The following CPNE5 variants were observed in gnomAD, a reference collection of about 807,000 sequenced individuals.
The protein encoded by CPNE5 is copine-5.
In CPNE5, 42 loss-of-function variants were observed where a neutral mutation model predicts 81.1. The observed-to-expected ratio is 0.52, with a 90% CI of 0.40 to 0.67. CPNE5 has a LOEUF of 0.67. Among genes scored for constraint, CPNE5 ranks in the 30% least tolerant of loss-of-function variants. The probability of loss-of-function intolerance (pLI) is 0.00; values close to 1 mark genes in which losing one functional copy is unlikely to be tolerated. For synonymous variants in CPNE5, 313 were observed against 321.5 expected (o/e 0.97, Z 0.28); for missense variants, 612 against 815.5 (o/e 0.75, Z 3.04).
chr6:36,773,750 C>T lies in CPNE5; in HGVS notation c.737+1211G>A, dbSNP rs184086584. Among the ~76,000 whole-genome samples the T allele has an allele frequency of 1.4e-3, 216 of 152,276 alleles. 1 individual carries two copies. The highest frequency in any genetic ancestry group is 5.1e-3 in the African/African-American group (211 of 41,544). ...CCAGGTTGACAGTGCTTTTTGGTCA[C>T]AGAGTCAGAATTAGCAACCAGGTAT... On this transcript the variant is annotated intron_variant, in intron 10 of 20. Transcript: ENST00000244751.
intron 15 of CPNE5, 53 bp downstream of exon 15, chr6:36,748,168 C>A (rs1764394322): frequency 7.8e-6 from 12 of 1,536,778 alleles, no homozygotes; most frequent in Non-Finnish European, 9.9e-6. Context: ...GATGCCACAG[C>A]CCTTAAAAGC....
At chr6:36,745,192 T>C in intron 17 of CPNE5, 42 bp from the exon 18 acceptor site, 2 of 1,529,656 alleles carry the variant, frequency 1.3e-6, no homozygotes, top group South Asian at 1.1e-5. Context: ...CTGCGGGACC[T>C]CTGGGCATGT....
chr6:36,794,625 G>C lies in CPNE5; in HGVS notation c.429C>G (p.Ser143=). The change falls in exon 7 of 21, where the codon TCC becomes TCG. Residue 143 remains serine (S), a synonymous_variant. Coordinates refer to ENST00000244751, the MANE Select transcript of CPNE5 (RefSeq NM_020939.2). ...PLTIGAFSLN[S]RTGKPMPAVS... ...CAGCTGGCATGGGTTTGCCCGTCCT[G>C]GAATTCAGGCTGAATGCGCCTATCC... 1 of 1,614,112 alleles carries C rather than the reference G, an allele frequency of 6.2e-7. No homozygotes were observed. The highest frequency in any genetic ancestry group is 2.2e-5 in the East Asian group (1 of 44,876).
chr6:36,823,139 G>A (rs1772206797), intron 1 of CPNE5, 41 bp from the exon 2 acceptor site: 8 of 1,491,022 alleles, frequency 5.4e-6, no homozygotes, highest in Non-Finnish European at 7.2e-6. Flanking sequence ...ACGGCCAGCT[G>A]AGAGGAGGCG....
chr6:36,827,513 C>T (rs1234418638), intron 1 of CPNE5: 1 of 985,318 alleles, frequency 1.0e-6, no homozygotes, highest in African/African-American at 1.7e-5. Context: ...CCTATTATGT[C>T]TCTGATGGCA....
At chr6:36,816,008 A>C (rs773917891) in intron 3 of CPNE5, among the ~76,000 whole-genome samples, 13 of 152,210 alleles carry the variant, frequency 8.5e-5, no homozygotes, top group Non-Finnish European at 1.5e-4. Context: ...GGGGTTCCCT[A>C]TCATGTCCCT....
chr6:36,753,716 AGCAGAG>A (rs1473577143), intron 13 of CPNE5, among the ~76,000 whole-genome samples: 3 of 152,186 alleles, frequency 2.0e-5, no homozygotes, highest in Non-Finnish European at 4.4e-5. Context: ...CCCTCCCCCA[AGCAGAG>A]GCCTTTTAAC....
At chr6:36,809,188 GC>G (rs532195735) in intron 3 of CPNE5, among the ~76,000 whole-genome samples, 42 of 152,032 alleles carry the variant, frequency 2.8e-4, no homozygotes, top group Admixed American at 2.6e-3. Context: ...TCCCCTTGCA[GC>G]CCCTACGCAG....
intron 12 of CPNE5, among the ~76,000 whole-genome samples, chr6:36,762,026 A>G (rs1766073569): frequency 6.6e-6 from 1 of 152,072 alleles, no homozygotes; most frequent in Admixed American, 6.6e-5. Context: ...CCAAGGCAGG[A>G]GGATCGCTTG....
intron 8 of CPNE5, among the ~76,000 whole-genome samples, chr6:36,783,378 T>TAAAAAAAAAA (rs36056853): frequency 1.7e-5 from 2 of 118,474 alleles, no homozygotes; most frequent in Non-Finnish European, 3.5e-5. Context: ...GCAGTAAAAG[T>TAAAAAAAAAA]AAAAAAAAAA....
intron 11 of CPNE5, among the ~76,000 whole-genome samples, chr6:36,764,199 A>G (rs1025503990): frequency 2.6e-5 from 4 of 151,616 alleles, no homozygotes; most frequent in Non-Finnish European, 4.4e-5. Flanking sequence ...GCTGTCCCCA[A>G]CTGGCACAGA....
intron 8 of CPNE5, among the ~76,000 whole-genome samples, chr6:36,787,000 G>A (rs910702945): frequency 2.0e-5 from 3 of 152,188 alleles, no homozygotes; most frequent in African/African-American, 7.2e-5. Context: ...TTATTTCTAA[G>A]ACCAAAAAAA....
chr6:36,806,239 C>A (rs1346220139), intron 3 of CPNE5, among the ~76,000 whole-genome samples: 2 of 152,216 alleles, frequency 1.3e-5, no homozygotes, highest in African/African-American at 4.8e-5. Flanking sequence ...CTTCATCCTA[C>A]AGGAGATTGC....
chr6:36,770,958 C>A (rs897647949), intron 10 of CPNE5, among the ~76,000 whole-genome samples: 1 of 152,122 alleles, frequency 6.6e-6, no homozygotes, highest in South Asian at 2.1e-4. Flanking sequence ...CCATTTCTGT[C>A]GGTGGTGCCA....
chr6:36,806,110 C>T (rs993138447), intron 3 of CPNE5, among the ~76,000 whole-genome samples: 1 of 152,150 alleles, frequency 6.6e-6, no homozygotes, highest in African/African-American at 2.4e-5. Context: ...AGGGGACAGC[C>T]TCTGTCAAGA....
At chr6:36,783,161 T>C (rs898773175) in intron 8 of CPNE5, among the ~76,000 whole-genome samples, 3 of 151,962 alleles carry the variant, frequency 2.0e-5, no homozygotes, top group African/African-American at 7.3e-5. Flanking sequence ...AATGGCAATA[T>C]AATATGGTTC....
intron 20 of CPNE5, 92 bp from the exon 21 acceptor site, chr6:36,742,578 C>G: frequency 1.3e-6 from 1 of 759,474 alleles, no homozygotes; most frequent in Non-Finnish European, 2.2e-6. Flanking sequence ...CCACCCCCCT[C>G]CCAGCCTCTG....
intron 4 of CPNE5, 29 bp from the exon 5 acceptor site, chr6:36,798,523 G>A: frequency 6.2e-7 from 1 of 1,611,884 alleles, no homozygotes; most frequent in Non-Finnish European, 8.5e-7. Context: ...AACGATGAAG[G>A]CAGCTGCGGA....
At chr6:36,748,056 A>T (rs1010790) in intron 15 of CPNE5, among the ~76,000 whole-genome samples, 165 bp downstream of exon 15, 112,045 of 152,194 alleles carry the variant, frequency 0.74, 41,462 homozygotes, top group African/African-American at 0.77. Flanking sequence ...TGGGGATACT[A>T]CTGCCATCTT....
Sources: allele counts gnomAD v4.1 joint callset (sites outside exome capture counted in the v4.1 genomes callset), GRCh38; gene constraint gnomAD v4.1.1; transcripts MANE v1.5; gene names NCBI Gene and HGNC (gene_info 2026-07-23, HGNC 2026-07-21).